The following CYP4X1 variants were observed in gnomAD, a reference collection of about 807,000 sequenced individuals.
The protein encoded by CYP4X1 is cytochrome P450 4X1.
A neutral mutation model predicts 57.9 loss-of-function variants in CYP4X1; 44 were observed. The observed-to-expected ratio is 0.76, with a 90% CI of 0.60 to 0.98. The LOEUF is 0.98. Among genes scored for constraint, CYP4X1 ranks in the 50% least tolerant of loss-of-function variants. The pLI is 0.00. For synonymous variants in CYP4X1, 227 were observed against 228.6 expected (o/e 0.99, Z 0.06); for missense variants, 532 against 623.9 (o/e 0.85, Z 1.57).
At chr1:46,962,839 G>A in the CYP4X1 span, among the ~76,000 whole-genome samples, 1 of 152,178 alleles carries the variant, frequency 6.6e-6, no homozygotes, top group Non-Finnish European at 1.5e-5. Flanking sequence ...TCTGTCTAAT[G>A]TTGACAGTGG....
chr1:46,981,782 C>T, the CYP4X1 span, among the ~76,000 whole-genome samples: 1 of 152,214 alleles, frequency 6.6e-6, no homozygotes, highest in Non-Finnish European at 1.5e-5. Context: ...CATATATACA[C>T]CATGGAATAC....
intron 1 of CYP4X1, among the ~76,000 whole-genome samples, chr1:47,029,175 C>T (rs1272071362): frequency 6.6e-6 from 1 of 152,216 alleles, no homozygotes; most frequent in Non-Finnish European, 1.5e-5. Flanking sequence ...GGGGGACTCC[C>T]ACCATCATGC....
chr1:47,006,368 G>C, the CYP4X1 span, among the ~76,000 whole-genome samples: 1 of 152,146 alleles, frequency 6.6e-6, no homozygotes, highest in Non-Finnish European at 1.5e-5. Context: ...ACATAATTCT[G>C]TATACAAAAT....
intron 2 of CYP4X1, 117 bp from the exon 3 acceptor site, chr1:47,031,319 T>G: frequency 1.6e-6 from 2 of 1,215,812 alleles, no homozygotes; most frequent in Non-Finnish European, 2.3e-6. Flanking sequence ...AGCCCTGGGC[T>G]CTCTTTTTCT....
intron 9 of CYP4X1, among the ~76,000 whole-genome samples, chr1:47,048,129 T>C (rs1242762754): frequency 6.6e-6 from 1 of 151,740 alleles, no homozygotes; most frequent in Non-Finnish European, 1.5e-5. Context: ...CATGCTTGTA[T>C]TCCTGCCTAC....
chr1:47,018,701 T>C (rs1409221162), upstream of CYP4X1, among the ~76,000 whole-genome samples: 1 of 152,206 alleles, frequency 6.6e-6, no homozygotes, highest in Non-Finnish European at 1.5e-5. Context: ...TGTTTTCTTC[T>C]GAAGTTTAAG....
the CYP4X1 span, among the ~76,000 whole-genome samples, chr1:47,006,229 G>A: frequency 6.6e-6 from 1 of 152,124 alleles, no homozygotes; most frequent in Admixed American, 6.5e-5. Flanking sequence ...TGTGATATAA[G>A]GAAATATGGT....
downstream of CYP4X1, among the ~76,000 whole-genome samples, chr1:47,054,435 G>GT (rs1212282889): frequency 6.6e-6 from 1 of 151,938 alleles, no homozygotes; most frequent in Non-Finnish European, 1.5e-5. Flanking sequence ...CTTTAAAGTA[G>GT]TTTTTTCCAA....
the CYP4X1 span, among the ~76,000 whole-genome samples, chr1:46,969,580 AAAC>A: frequency 7.2e-4 from 110 of 152,338 alleles, no homozygotes; most frequent in African/African-American, 2.5e-3. Flanking sequence ...TTTTTCTAAA[AAAC>A]TTATTTCTAC....
At chr1:47,003,481 C>T in the CYP4X1 span, among the ~76,000 whole-genome samples, 1 of 152,120 alleles carries the variant, frequency 6.6e-6, no homozygotes, top group Admixed American at 6.5e-5. Context: ...ATACCTGAGG[C>T]TAAGAGTAAT....
At chr1:47,009,987 G>T in the CYP4X1 span, among the ~76,000 whole-genome samples, 5 of 152,198 alleles carry the variant, frequency 3.3e-5, no homozygotes, top group Non-Finnish European at 7.3e-5. Context: ...GAGGTACAAG[G>T]AGGAGCTGGT....
chr1:47,018,360 T>C, the CYP4X1 span, among the ~76,000 whole-genome samples: 3 of 152,218 alleles, frequency 2.0e-5, no homozygotes, highest in African/African-American at 7.2e-5. Context: ...TTTTAATATG[T>C]AACTTAACCA....
At chr1:46,981,965 C>T in the CYP4X1 span, among the ~76,000 whole-genome samples, 1 of 152,078 alleles carries the variant, frequency 6.6e-6, no homozygotes, top group African/African-American at 2.4e-5. Context: ...GGGAACATCA[C>T]ACACCAGGGC....
the CYP4X1 span, among the ~76,000 whole-genome samples, chr1:47,013,636 T>A: frequency 0.01 from 1,555 of 152,262 alleles, 15 homozygotes; most frequent in South Asian, 0.053. Flanking sequence ...TACTATTGAG[T>A]AAGTTAATTG....
chr1:47,029,384 A>G (rs1384504278), intron 1 of CYP4X1, among the ~76,000 whole-genome samples: 1 of 152,210 alleles, frequency 6.6e-6, no homozygotes, highest in Non-Finnish European at 1.5e-5. Flanking sequence ...TTGGAAGCTG[A>G]AAGTTTTGTA....
At chr1:46,981,700 C>A in the CYP4X1 span, among the ~76,000 whole-genome samples, 3 of 152,290 alleles carry the variant, frequency 2.0e-5, no homozygotes, top group South Asian at 2.1e-4. Flanking sequence ...TATTGCGGCA[C>A]TATTCACAGT....
the CYP4X1 span, among the ~76,000 whole-genome samples, chr1:46,999,490 T>C: frequency 1.9e-3 from 285 of 152,302 alleles, 1 homozygote; most frequent in African/African-American, 6.6e-3. Context: ...CCTAGTGGTC[T>C]ATCAACTTTG....
the CYP4X1 span, among the ~76,000 whole-genome samples, chr1:46,991,405 C>A: frequency 8.7e-3 from 1,327 of 152,278 alleles, 16 homozygotes; most frequent in East Asian, 0.045. Context: ...CTTGTTCTTA[C>A]AGGCTTTTCA....
chr1:47,012,205 T>C, the CYP4X1 span, among the ~76,000 whole-genome samples: 1 of 152,222 alleles, frequency 6.6e-6, no homozygotes, highest in Admixed American at 6.5e-5. Context: ...GTGGCACATA[T>C]ACACCATTGA....
Sources: allele counts gnomAD v4.1 joint callset (sites outside exome capture counted in the v4.1 genomes callset), GRCh38; gene constraint gnomAD v4.1.1; transcripts MANE v1.5; gene names NCBI Gene and HGNC (gene_info 2026-07-23, HGNC 2026-07-21).